The following PXT1 variants were observed in gnomAD, a reference collection of about 807,000 sequenced individuals.
PXT1 encodes peroxisomal testis enriched protein 1.
Under a neutral mutation model 11.0 loss-of-function variants are expected in PXT1, and 11 were observed. The ratio of observed to expected loss-of-function variants is 1.00; its 90% CI spans 0.63 to 1.66. The LOEUF is 1.66. Ranked by LOEUF, PXT1 falls within the 40% of genes most tolerant of loss-of-function variation. The probability of loss-of-function intolerance (pLI) is 0.00; values close to 1 mark genes in which losing one functional copy is unlikely to be tolerated. For missense variants in PXT1, 141 were observed against 155.5 expected, an observed-to-expected ratio of 0.91 and a Z score of 0.49; for synonymous variants, 43 against 51.4, an observed-to-expected ratio of 0.84 and a Z score of 0.70.
At chr6:36,409,877 AGAAG>A (rs558502822) in intron 3 of PXT1, among the ~76,000 whole-genome samples, 2,035 of 133,072 alleles carry the variant, frequency 0.015, 26 homozygotes, top group Middle Eastern at 0.026. Flanking sequence ...AGAAAAGAAA[AGAAG>A]GAAGGAAGGA....
At chr6:36,426,170 T>A in intron 2 of PXT1, 79 bp from the exon 3 acceptor site, 1 of 894,160 alleles carries the variant, frequency 1.1e-6, no homozygotes, top group Non-Finnish European at 1.6e-6. Context: ...ATTAATGTTT[T>A]AACAATATCA....
chr6:36,396,229 TC>T (rs1271768904), intron 4 of PXT1, among the ~76,000 whole-genome samples: 2 of 152,208 alleles, frequency 1.3e-5, no homozygotes, highest in Non-Finnish European at 2.9e-5. Context: ...ATGGCTGCTG[TC>T]CTCATGCTGG....
intron 3 of PXT1, among the ~76,000 whole-genome samples, chr6:36,409,781 G>A (rs1445389879): frequency 1.3e-5 from 2 of 150,406 alleles, no homozygotes; most frequent in East Asian, 2.0e-4. Context: ...AGCCATAATT[G>A]TTCCACTGTA....
At chr6:36,414,356 T>C (rs904194497) in intron 3 of PXT1, among the ~76,000 whole-genome samples, 5 of 152,184 alleles carry the variant, frequency 3.3e-5, no homozygotes, top group South Asian at 2.1e-4. Flanking sequence ...TTTGAGGATG[T>C]AATAATTACA....
intron 4 of PXT1, 116 bp from the exon 5 acceptor site, chr6:36,391,990 A>G: frequency 1.4e-6 from 1 of 697,018 alleles, no homozygotes; most frequent in South Asian, 1.8e-5. Context: ...CCATGCTGCA[A>G]ACAAGCTTCT....
chr6:36,420,242 T>C (rs79235676), intron 3 of PXT1, among the ~76,000 whole-genome samples: 9,119 of 152,246 alleles, frequency 0.06, 622 homozygotes, highest in Admixed American at 0.17. Flanking sequence ...TGTTGCAGCA[T>C]TGGTTTCAAT....
At chr6:36,405,522 G>A (rs1240536512) in intron 3 of PXT1, among the ~76,000 whole-genome samples, 1 of 152,184 alleles carries the variant, frequency 6.6e-6, no homozygotes, top group Non-Finnish European at 1.5e-5. Flanking sequence ...GGGACTACAG[G>A]CACGTGCCAC....
intron 3 of PXT1, among the ~76,000 whole-genome samples, chr6:36,423,383 C>G (rs1303722149): frequency 6.6e-6 from 1 of 152,248 alleles, no homozygotes; most frequent in Non-Finnish European, 1.5e-5. Context: ...CCCGCTCCCG[C>G]CCTAGGCTTT....
intron 1 of PXT1, among the ~76,000 whole-genome samples, 175 bp from the exon 2 acceptor site, chr6:36,439,061 C>T (rs763078062): frequency 3.3e-4 from 50 of 150,504 alleles, no homozygotes; most frequent in Non-Finnish European, 5.8e-4. Context: ...AGCAGTGGTG[C>T]GATCCTGGCT....
At chr6:36,426,426 C>G (rs539139026) in intron 2 of PXT1, among the ~76,000 whole-genome samples, 1 of 139,930 alleles carries the variant, frequency 7.1e-6, no homozygotes, top group South Asian at 2.3e-4. Context: ...GCTGGAGTGC[C>G]ATGGCCCCAT....
intron 3 of PXT1, among the ~76,000 whole-genome samples, chr6:36,408,023 G>A (rs540215826): frequency 2.1e-4 from 32 of 148,892 alleles, no homozygotes; most frequent in Admixed American, 5.4e-4. Context: ...GTGCCTTGGC[G>A]CGATCTTGGC....
chr6:36,436,603 A>G, intron 2 of PXT1, among the ~76,000 whole-genome samples: 1 of 152,202 alleles, frequency 6.6e-6, no homozygotes, highest in South Asian at 2.1e-4. Context: ...ATGCAATGGC[A>G]GGAAATGATG....
intron 1 of PXT1, among the ~76,000 whole-genome samples, chr6:36,439,087 C>T (rs1226712482): frequency 6.6e-6 from 1 of 151,882 alleles, no homozygotes; most frequent in Non-Finnish European, 1.5e-5. Flanking sequence ...CAACCTCCGC[C>T]TCCTGGGTTC....
intron 3 of PXT1, among the ~76,000 whole-genome samples, chr6:36,421,567 A>G (rs533104428): frequency 6.6e-6 from 1 of 152,222 alleles, no homozygotes; most frequent in Non-Finnish European, 1.5e-5. Context: ...TTCCAAGACA[A>G]ATATTAGGGG....
At chr6:36,433,481 G>C (rs1038340501) in intron 2 of PXT1, among the ~76,000 whole-genome samples, 1 of 152,012 alleles carries the variant, frequency 6.6e-6, no homozygotes, top group South Asian at 2.1e-4. Context: ...CAGTGTCATG[G>C]GGGAACAAAA....
intron 4 of PXT1, among the ~76,000 whole-genome samples, chr6:36,399,215 A>C (rs2127410249): frequency 6.6e-6 from 1 of 151,986 alleles, no homozygotes; most frequent in African/African-American, 2.4e-5. Context: ...GCATAATCTC[A>C]GCTCACTGCA....
At chr6:36,396,030 A>T (rs1372642084) in intron 4 of PXT1, among the ~76,000 whole-genome samples, 1 of 152,216 alleles carries the variant, frequency 6.6e-6, no homozygotes, top group Non-Finnish European at 1.5e-5. Flanking sequence ...GGTATTCTAA[A>T]GTACAAGTTT....
chr6:36,426,317 A>G (rs1774605508), intron 2 of PXT1, among the ~76,000 whole-genome samples: 1 of 142,696 alleles, frequency 7.0e-6, no homozygotes, highest in Non-Finnish European at 1.5e-5. Flanking sequence ...ACCGGCCTGC[A>G]TCCTTATCTC....
At chr6:36,417,220 A>G (rs1049575333) in intron 3 of PXT1, among the ~76,000 whole-genome samples, 5 of 151,752 alleles carry the variant, frequency 3.3e-5, no homozygotes, top group Admixed American at 2.6e-4. Context: ...GGTGGCGGGC[A>G]CCTGTAATCC....
Sources: gnomAD v4.1 joint callset for allele counts (sites outside exome capture counted in the v4.1 genomes callset) on GRCh38, gnomAD v4.1.1 for gene constraint, MANE v1.5 for transcripts, NCBI Gene and HGNC (gene_info 2026-07-23, HGNC 2026-07-21) for gene names.